NUP210: variants seen among roughly 807,000 people sequenced by gnomAD.
NUP210 encodes the protein nuclear pore membrane glycoprotein 210.
Under a neutral mutation model 196.0 loss-of-function variants are expected in NUP210, and 151 were observed. The ratio of observed to expected loss-of-function variants is 0.77; its 90% CI spans 0.67 to 0.88. NUP210 has a LOEUF of 0.88. Among genes scored for constraint, NUP210 ranks in the 40% least tolerant of loss-of-function variants. NUP210 has a pLI of 0.00. For synonymous variants in NUP210, 1,070 were observed against 1,052.7 expected, an observed-to-expected ratio of 1.02 and a Z score of -0.32; for missense variants, 2,314 against 2,493.7, an observed-to-expected ratio of 0.93 and a Z score of 1.53.
At position 13,348,565 on chromosome 3, in the gene NUP210, T is replaced by A; in HGVS notation, c.2835+3314A>T. 1.0e-6 allele frequency: 1 copy of A among 985,400 alleles called. No individual in the cohort carries two copies. Among genetic ancestry groups the A allele is most frequent in the Non-Finnish European group, 1.2e-6 (1 of 829,904 alleles). 61.0% of individuals were successfully genotyped at this position (985,400 alleles called of 1,614,324 possible). ...ATATGTCAAGCAGTCAGAATTAAGATGTAAGATTCTCTTCACTCGCATGGC... is the reference window on the plus strand; with the variant it reads ...ATATGTCAAGCAGTCAGAATTAAGAAGTAAGATTCTCTTCACTCGCATGGC... On this transcript the variant is annotated intron_variant, in intron 20 of 39. Coordinates refer to ENST00000254508, the MANE Select transcript of NUP210 (RefSeq NM_024923.4). This position sits in a 1 kb window ranked among gnomAD's most constrained non-coding sequence, Gnocchi z 4.0.
Position 13,399,640 on chromosome 3 carries a change from G to T in NUP210, c.304+85C>A. 3 of 1,578,904 alleles carry T rather than the reference G, an allele frequency of 1.9e-6. No individual in the cohort carries two copies. The Admixed American group carries it at 5.2e-5, about 27-fold the overall frequency. On this transcript the variant is annotated intron_variant, in intron 2 of 39. Transcript: ENST00000254508. ...AAGAGAAAGCCCTGCCATGGGCTCAGGTAGCCTCTAGGACCCTGGGTCTTA... is the reference window on the plus strand; with the variant it reads ...AAGAGAAAGCCCTGCCATGGGCTCATGTAGCCTCTAGGACCCTGGGTCTTA...
rs755116357 is a variant in NUP210, at chr3:13,319,829, T to G, written c.5317A>C (p.Thr1773Pro). Residue 1773 changes from threonine to proline, a missense_variant, in exon 37 of 40, where the codon ACC becomes CCC. Coordinates refer to ENST00000254508, the MANE Select transcript of NUP210 (RefSeq NM_024923.4). Reference sequence around the variant, plus strand: ...ACTGGGATGGCAATGGCTTGGTTGGTCACGGGGCTGGAGAAGGTCAGGGTA... The same window carrying G: ...ACTGGGATGGCAATGGCTTGGTTGGGCACGGGGCTGGAGAAGGTCAGGGTA... ...STTLTFSSPVTNQAIAIPVTV... is the reference protein window; with the variant it reads ...STTLTFSSPVPNQAIAIPVTV... The G allele has an allele frequency of 1.9e-6, 3 of 1,614,210 alleles. No homozygotes were observed. Among genetic ancestry groups the G allele is most frequent in the Non-Finnish European group, 2.5e-6 (3 of 1,180,026 alleles).
chr3:13,323,548 G>T lies in NUP210; in HGVS notation c.4645-116C>A. 1.7e-6 allele frequency: 2 copies of T among 1,186,922 alleles called. No homozygotes were observed. Among genetic ancestry groups the T allele is most frequent in the Non-Finnish European group, 2.4e-6 (2 of 838,398 alleles). The allele number at this position is 1,186,922 out of a possible 1,614,324, so 73.5% of individuals were successfully genotyped here. On this transcript the variant is annotated intron_variant, in intron 33 of 39. Coordinates refer to ENST00000254508, the MANE Select transcript of NUP210 (RefSeq NM_024923.4). The surrounding 1 kb of genome is among the most constrained non-coding windows in gnomAD (Gnocchi z 4.3). The stretch of plus-strand genomic sequence containing the variant: ...CATAGTGTCACCCGTTTCACAGGTG[G>T]CAACACTGAGGCTCAAAGCCTAAAC...
intron 11 of NUP210, 52 bp from the exon 12 acceptor site, chr3:13,373,925 G>A (rs1451272121): frequency 3.8e-6 from 6 of 1,595,344 alleles, no homozygotes; most frequent in East Asian, 2.3e-5. Flanking sequence ...AGCCTGCTGG[G>A]GAAGTCAGAG....
At chr3:13,362,758 G>A (rs1413474903) in intron 14 of NUP210, among the ~76,000 whole-genome samples, 1 of 152,036 alleles carries the variant, frequency 6.6e-6, no homozygotes, top group Non-Finnish European at 1.5e-5. Context: ...GCCAGGCGTG[G>A]CCCCTGTTTC....
rs1212304371 is a variant in NUP210 at position 13,371,943 on chromosome 3, G to A, written c.1677C>T (p.Ile559=). The A allele has an allele frequency of 6.2e-7, 1 of 1,605,850 alleles. No individual in the cohort carries two copies. The highest frequency in any genetic ancestry group is 8.5e-7 in the Non-Finnish European group (1 of 1,176,474). The change falls in exon 13 of 40, where the codon ATC becomes ATT. Residue 559 remains isoleucine, a synonymous_variant. Coordinates refer to ENST00000254508, the MANE Select transcript of NUP210 (RefSeq NM_024923.4). ...VGQALELPLR[I]SGLMPGGASE... ...TGGCCCCGCCGGGCATGAGGCCACT[G>A]ATCCTCAGGGGCAGCTCCAGGGCCT...
rs112282087 is a variant in NUP210, at chr3:13,339,158, C to T, written c.3471+696G>A. Among the ~76,000 whole-genome samples the T allele has an allele frequency of 1.3e-3, 196 of 152,290 alleles. 3 individuals carry two copies. The highest frequency in any genetic ancestry group is 4.4e-3 in the African/African-American group (182 of 41,564). ...AGGAGTAAATCAATGAACTCAATGA[C>T]GGATCACAGTCAGCCTCTGAGAACA... On this transcript the variant is annotated intron_variant, in intron 25 of 39. Transcript: ENST00000254508.
intron 1 of NUP210, among the ~76,000 whole-genome samples, chr3:13,402,687 G>T (rs983739001): frequency 4.8e-5 from 7 of 147,280 alleles, no homozygotes; most frequent in Non-Finnish European, 8.9e-5. Context: ...TGTAACACAG[G>T]CCACGTTTTC....
rs1348454485 is a variant in NUP210, at chr3:13,350,202, AGCAAAATAACACAGCCTGTGTGTG to A, written c.2835+1653_2835+1676del. On this transcript the variant is annotated intron_variant, in intron 20 of 39. Coordinates refer to ENST00000254508, the MANE Select transcript of NUP210 (RefSeq NM_024923.4). This position sits in a 1 kb window ranked among gnomAD's most constrained non-coding sequence, Gnocchi z 4.1. ...TGTGTGTGTGGGTGCGTGTGTGTTC[AGCAAAATAACACAGCCTGTGTGTG>A]TGTGTGTTCAGCAAAATAACACAGC... Among the ~76,000 whole-genome samples, 1 of 131,318 alleles carries A rather than the reference AGCAAAATAACACAGCCTGTGTGTG, an allele frequency of 7.6e-6. No individual in the cohort carries two copies. The highest frequency in any genetic ancestry group is 3.6e-5 in the African/African-American group (1 of 28,056). The allele number at this position is 131,318 out of a possible 152,430, so 86.1% of individuals were successfully genotyped here. A position where few individuals can be genotyped will look rare whatever the true frequency, so the allele number is the denominator to read the frequency against.
In NUP210 at chr3:13,404,679, G is replaced by C. The variant is rs562495618; in HGVS notation, c.168-4818C>G. Among the ~76,000 whole-genome samples, 678 of 152,296 alleles carry C rather than the reference G, an allele frequency of 4.5e-3. 2 individuals are homozygous for C. The highest frequency in any genetic ancestry group is 0.01 in the Middle Eastern group (3 of 294). The stretch of plus-strand genomic sequence containing the variant: ...AAGCAGGATACTTTCTGCTATCAGG[G>C]CCACGCAGAAGCGCCCTCCCTCCGA... On this transcript the variant is annotated intron_variant, in intron 1 of 39. Coordinates refer to ENST00000254508, the MANE Select transcript of NUP210 (RefSeq NM_024923.4).
At chr3:13,413,296 T>C (rs1381903272) in intron 1 of NUP210, among the ~76,000 whole-genome samples, 1 of 151,398 alleles carries the variant, frequency 6.6e-6, no homozygotes, top group African/African-American at 2.4e-5. Flanking sequence ...TGAAACCCCA[T>C]CTCTACTAAA....
chr3:13,363,604 A>T (rs1030025741), intron 14 of NUP210, among the ~76,000 whole-genome samples: 1 of 152,206 alleles, frequency 6.6e-6, no homozygotes, highest in South Asian at 2.1e-4. Context: ...TCAAAGCCCA[A>T]ATATTCCAAA....
intron 2 of NUP210, among the ~76,000 whole-genome samples, chr3:13,398,635 T>C (rs895784236): frequency 6.6e-6 from 1 of 152,122 alleles, no homozygotes; most frequent in African/African-American, 2.4e-5. Flanking sequence ...AGAATATTAT[T>C]TGGGCCGGGT....
At chr3:13,371,747 T>C (rs565687314) in intron 13 of NUP210, 87 bp downstream of exon 13, 3 of 1,267,774 alleles carry the variant, frequency 2.4e-6, no homozygotes, top group Non-Finnish European at 2.2e-6. Flanking sequence ...AAGCCCTCTC[T>C]TTGGGAATCT....
chr3:13,370,598 G>C (rs1412131327), intron 13 of NUP210, among the ~76,000 whole-genome samples: 1 of 152,214 alleles, frequency 6.6e-6, no homozygotes, highest in Non-Finnish European at 1.5e-5. Flanking sequence ...GTGTCCTGCT[G>C]TCAGCGGGCC....
chr3:13,380,302 C>T (rs780728869), intron 6 of NUP210, among the ~76,000 whole-genome samples: 8 of 152,182 alleles, frequency 5.3e-5, no homozygotes, highest in Non-Finnish European at 1.0e-4. Context: ...CATCGATGTA[C>T]ATCTTCCTTG....
chr3:13,325,656 G>C, intron 33 of NUP210, 139 bp downstream of exon 33: 1 of 967,536 alleles, frequency 1.0e-6, no homozygotes, highest in South Asian at 1.5e-5. Context: ...CAAGTGGCCA[G>C]TCCCAGACTC....
In NUP210 at chr3:13,360,380, C is replaced by T. The variant is rs149471357; in HGVS notation, c.2044G>A (p.Val682Ile). The T allele has an allele frequency of 5.7e-5, 92 of 1,614,014 alleles. No individual in the cohort carries two copies. In the Middle Eastern group the frequency reaches 8.2e-4, roughly 14 times the overall value. ...ATGCTGTCAGTGTCCTCAGCGGTGA[C>T]GTTCTGGAAGAATTTGGACGGCTCG... Reference protein sequence around the residue: ...ILEPSKFFQNVTAEDTDSIGL... With the variant: ...ILEPSKFFQNITAEDTDSIGL... The change falls in exon 15 of 40, where the codon GTC (valine) becomes ATC (isoleucine). Residue 682 changes from valine to isoleucine, a missense_variant. Val to Ile is a conservative substitution (Grantham distance 29). Transcript: ENST00000254508.
Position 13,336,856 on chromosome 3 carries a change from C to A in NUP210, c.3615G>T (p.Val1205=). The change falls in exon 27 of 40, where the codon GTG becomes GTT. Residue 1205 remains valine (V), a synonymous_variant. Transcript: ENST00000254508. ...CAGACCAGTGGAAGGTCAGGCCTGG[C>A]ACGGCATTGCCAAAGGAGAAAGGGT... is the stretch of plus-strand genomic sequence containing the variant. ...HQNPFSFGNA[V]PGLTFHWSVT... 1 of 1,613,902 alleles carries A rather than the reference C, an allele frequency of 6.2e-7. No individual in the cohort carries two copies. The highest frequency in any genetic ancestry group is 2.2e-5 in the East Asian group (1 of 44,860).
Sources: gnomAD v4.1 joint callset for allele counts (sites outside exome capture counted in the v4.1 genomes callset) on GRCh38, gnomAD v4.1.1 for gene constraint, Gnocchi (gnomAD v3.1) non-coding constraint, MANE v1.5 for transcripts, NCBI Gene and HGNC (gene_info 2026-07-23, HGNC 2026-07-21) for gene names.